DNAH11: variants seen among roughly 807,000 people sequenced by gnomAD.
The protein encoded by DNAH11 is axonemal beta dynein heavy chain 11.
DNAH11 carries 442 observed loss-of-function variants against 526.0 expected under a neutral mutation model. The observed-to-expected ratio is 0.84, with a 90% CI of 0.78 to 0.91. DNAH11 has a LOEUF of 0.91. DNAH11 is among the 40% of genes least tolerant of loss of function. The pLI is 0.00. For missense variants in DNAH11, 6,989 were observed against 5,448.7 expected, an observed-to-expected ratio of 1.28 and a Z score of -8.90; for synonymous variants, 2,461 against 1,935.9, an observed-to-expected ratio of 1.27 and a Z score of -7.12.
chr7:21,592,020 C>G (rs1054119187), intron 14 of DNAH11, among the ~76,000 whole-genome samples: 1 of 152,090 alleles, frequency 6.6e-6, no homozygotes, highest in Non-Finnish European at 1.5e-5. Context: ...AAAACAGTAA[C>G]AGGCACTCAT....
At chr7:21,665,081 A>C (rs551891928) in intron 30 of DNAH11, among the ~76,000 whole-genome samples, 181 of 145,750 alleles carry the variant, frequency 1.2e-3, no homozygotes, top group African/African-American at 4.2e-3. Context: ...CTCTTTCTTT[A>C]TCTCTCTCTC....
chr7:21,651,232 A>G (rs1049598035), intron 28 of DNAH11, among the ~76,000 whole-genome samples: 6 of 152,230 alleles, frequency 3.9e-5, no homozygotes, highest in African/African-American at 1.2e-4. Context: ...TTATCCCATT[A>G]ATAAGCGGCA....
At chr7:21,702,566 A>C (rs1178928597) in intron 36 of DNAH11, 144 bp from the exon 37 acceptor site, 1 of 673,126 alleles carries the variant, frequency 1.5e-6, no homozygotes, top group Non-Finnish European at 2.5e-6. Context: ...CACAGTTTCA[A>C]AGAGCAGAAG....
chr7:21,872,146 A>AACAAACAAAAAAAG, intron 73 of DNAH11, among the ~76,000 whole-genome samples: 1 of 147,894 alleles, frequency 6.8e-6, no homozygotes, highest in Non-Finnish European at 1.5e-5. Context: ...AAAAAAAAAA[A>AACAAACAAAAAAAG]AAACCTTCAT....
In DNAH11 at chr7:21,638,963, C is replaced by T. The variant is rs755293443; in HGVS notation, c.4842C>T (p.Leu1614=). Residue 1614 remains leucine, a synonymous_variant, in exon 28 of 82, where the codon CTC becomes CTT. Coordinates refer to ENST00000409508, the MANE Select transcript of DNAH11 (RefSeq NM_001277115.2). The part of the protein sequence containing the change: ...QSRLSLCEKA[L]AEYLETKRIA... ...GGCTTTCTCTTTGTGAAAAAGCTCT[C>T]GCTGAATACCTGGAAACCAAGCGCA... 12 of 1,611,670 alleles carry T rather than the reference C, an allele frequency of 7.4e-6. No individual in the cohort carries two copies. The highest frequency in any genetic ancestry group is 3.4e-5 in the Admixed American group (2 of 59,464).
intron 32 of DNAH11, among the ~76,000 whole-genome samples, chr7:21,684,750 G>A (rs1051553655): frequency 3.9e-5 from 6 of 152,212 alleles, no homozygotes; most frequent in East Asian, 1.9e-4. Context: ...TTAATAGTTC[G>A]TTTCCACTTG....
At chr7:21,679,480 C>A (rs755319440) in intron 30 of DNAH11, among the ~76,000 whole-genome samples, 1 of 152,128 alleles carries the variant, frequency 6.6e-6, no homozygotes, top group Non-Finnish European at 1.5e-5. Flanking sequence ...CAAAATATCA[C>A]GTTGTATACC....
chr7:21,598,313 G>A (rs1188630066), intron 14 of DNAH11, among the ~76,000 whole-genome samples: 1 of 152,128 alleles, frequency 6.6e-6, no homozygotes, highest in Non-Finnish European at 1.5e-5. Context: ...AGCCTCTCTA[G>A]AATCAACTTT....
chr7:21,762,231 C>A (rs578098973), intron 54 of DNAH11, among the ~76,000 whole-genome samples: 1 of 152,070 alleles, frequency 6.6e-6, no homozygotes, highest in Non-Finnish European at 1.5e-5. Flanking sequence ...AATAATGAGG[C>A]CTTATCACTC....
In DNAH11 at chr7:21,893,411, C is replaced by G. The variant is rs146883756; in HGVS notation, c.12750+744C>G. ...TCAATTGAGGAGTAATATTGAGCAT[C>G]TTTTCACATGCTTATGGCCGTTTGG... On this transcript the variant is annotated intron_variant, in intron 77 of 81. Transcript: ENST00000409508. Among the ~76,000 whole-genome samples the G allele has an allele frequency of 6.1e-3, 931 of 152,306 alleles. 10 individuals are homozygous for G. The highest frequency in any genetic ancestry group is 0.021 in the African/African-American group (858 of 41,560).
chr7:21,598,272 G>C (rs1030782210), intron 14 of DNAH11, among the ~76,000 whole-genome samples: 3 of 152,038 alleles, frequency 2.0e-5, no homozygotes. Flanking sequence ...CTGCCGTCTG[G>C]TCTGTATAGA....
intron 65 of DNAH11, among the ~76,000 whole-genome samples, chr7:21,828,240 C>T (rs10267685): frequency 0.095 from 14,412 of 152,126 alleles, 2,088 homozygotes; most frequent in African/African-American, 0.31. Context: ...TGAGCCACCG[C>T]GCCTGGCCTA....
intron 26 of DNAH11, 22 bp downstream of exon 26, chr7:21,636,117 T>C (rs752379602): frequency 1.3e-6 from 2 of 1,567,324 alleles, no homozygotes; most frequent in Non-Finnish European, 1.7e-6. Context: ...ACAGGCTGTA[T>C]GCTATTCTAG....
intron 25 of DNAH11, among the ~76,000 whole-genome samples, chr7:21,626,169 C>T (rs568786225): frequency 2.2e-4 from 33 of 152,118 alleles, no homozygotes; most frequent in African/African-American, 4.6e-4. Flanking sequence ...TTATGAGACC[C>T]GCTTTTTAAA....
chr7:21,790,890 C>T (rs12164106), intron 61 of DNAH11, among the ~76,000 whole-genome samples: 138,245 of 152,260 alleles, frequency 0.91, 62,840 homozygotes, highest in African/African-American at 0.95. Flanking sequence ...AAATTTTATC[C>T]GATTGGTGAT....
chr7:21,631,871 G>T (rs1179510489), intron 25 of DNAH11, among the ~76,000 whole-genome samples: 2 of 152,326 alleles, frequency 1.3e-5, no homozygotes, highest in South Asian at 2.1e-4. Flanking sequence ...TCACTAGTCA[G>T]TGCCCCAGTT....
At chr7:21,716,549 T>G (rs1474086416) in intron 42 of DNAH11, among the ~76,000 whole-genome samples, 1 of 152,200 alleles carries the variant, frequency 6.6e-6, no homozygotes, top group Non-Finnish European at 1.5e-5. Context: ...CTTTAGACTT[T>G]CCTTTCCCTG....
intron 31 of DNAH11, among the ~76,000 whole-genome samples, chr7:21,681,948 A>G (rs1583589770): frequency 6.6e-6 from 1 of 152,310 alleles, no homozygotes; most frequent in South Asian, 2.1e-4. Flanking sequence ...AAGAACCGTG[A>G]GAAATCACTG....
At chr7:21,652,240 A>G (rs980252680) in intron 28 of DNAH11, among the ~76,000 whole-genome samples, 5 of 152,240 alleles carry the variant, frequency 3.3e-5, no homozygotes, top group Admixed American at 3.3e-4. Flanking sequence ...GATGTACCAG[A>G]GGAAGTGATG....
Sources: allele counts gnomAD v4.1 joint callset (sites outside exome capture counted in the v4.1 genomes callset), GRCh38; gene constraint gnomAD v4.1.1; transcripts MANE v1.5; gene names NCBI Gene and HGNC (gene_info 2026-07-23, HGNC 2026-07-21).